AFF2: variants seen among roughly 807,000 people sequenced by gnomAD.
AFF2 encodes AF4/FMR2 family member 2.
Under a neutral mutation model 76.9 loss-of-function variants are expected in AFF2, and 14 were observed. The ratio of observed to expected loss-of-function variants is 0.18; its 90% CI spans 0.12 to 0.28. AFF2 has a LOEUF of 0.28. AFF2 is among the 10% of genes least tolerant of loss of function. AFF2 has a pLI of 1.00. For synonymous variants in AFF2, 398 were observed against 366.7 expected (o/e 1.09, Z -0.98); for missense variants, 868 against 1,001.1 (o/e 0.87, Z 1.79).
At position 148,718,805 on chromosome X, in the gene AFF2, A is replaced by G. The variant is rs1322243676; in HGVS notation, c.1041+56037A>G. ...TATCCCTGGCACTGAGCAGTGTTCT[A>G]TACACACAGTAGGAGCATAGTTAGT... On this transcript the variant is annotated intron_variant, in intron 3 of 20. Transcript: ENST00000370460. 2.7e-5 allele frequency among the ~76,000 whole-genome samples: 3 copies of G among 111,316 alleles called. No homozygotes were observed. In the South Asian group the frequency reaches 1.1e-3, roughly 42 times the overall value.
intron 5 of AFF2, among the ~76,000 whole-genome samples, chrX:148,841,973 T>C (rs2070606109): frequency 8.9e-6 from 1 of 112,240 alleles, no homozygotes; most frequent in African/African-American, 3.2e-5. Context: ...AAATTTCACT[T>C]TTGATTAAAG....
At chrX:148,747,950 A>C (rs1402043648) in intron 3 of AFF2, among the ~76,000 whole-genome samples, 2 of 112,054 alleles carry the variant, frequency 1.8e-5, no homozygotes, top group African/African-American at 6.5e-5. Flanking sequence ...AGTGCAACAA[A>C]AAAAAATCTG....
chrX:148,542,036 G>A (rs1461152686), intron 1 of AFF2, among the ~76,000 whole-genome samples: 3 of 109,017 alleles, frequency 2.8e-5, no homozygotes, highest in Non-Finnish European at 5.7e-5. Context: ...CTGGAAAAAA[G>A]AAAGCCTCTG....
chrX:148,661,899 T>A lies in AFF2; in HGVS notation c.181-9T>A. 1 of 1,179,343 alleles carries A rather than the reference T, an allele frequency of 8.5e-7. No homozygotes were observed. Among genetic ancestry groups the A allele is most frequent in the African/African-American group, 1.8e-5 (1 of 56,213 alleles). On this transcript the variant is annotated splice_polypyrimidine_tract_variant and intron_variant, in intron 2 of 20. Coordinates refer to ENST00000370460, the MANE Select transcript of AFF2 (RefSeq NM_002025.4). ...CTCTCCTCCCACCCCCATCTTTTTG[T>A]TATTTTAGACAAACAAAGGTGATGC...
At chrX:148,730,146 T>C (rs1557264563) in intron 3 of AFF2, among the ~76,000 whole-genome samples, 1 of 112,433 alleles carries the variant, frequency 8.9e-6, no homozygotes, top group Non-Finnish European at 1.9e-5. Context: ...CAATAATCCC[T>C]GATGGCCTCT....
chrX:148,966,200 C>T (rs782495323), intron 13 of AFF2, among the ~76,000 whole-genome samples: 44 of 111,843 alleles, frequency 3.9e-4, no homozygotes, highest in Admixed American at 3.8e-4. Flanking sequence ...ACCAATCAAG[C>T]GCCTCACATG....
chrX:148,745,429 T>A (rs1433813698), intron 3 of AFF2, among the ~76,000 whole-genome samples: 1 of 112,032 alleles, frequency 8.9e-6, no homozygotes, highest in Non-Finnish European at 1.9e-5. Context: ...GGAATTATAT[T>A]TTTAGAAGCC....
At chrX:148,527,550 A>G (rs1364158215) in intron 1 of AFF2, among the ~76,000 whole-genome samples, 1 of 111,533 alleles carries the variant, frequency 9.0e-6, no homozygotes, top group East Asian at 2.8e-4. Flanking sequence ...TGATAATCAT[A>G]TTGTGGTTAT....
intron 8 of AFF2, among the ~76,000 whole-genome samples, chrX:148,887,580 G>C (rs1367402325): frequency 2.7e-5 from 3 of 111,729 alleles, no homozygotes; most frequent in African/African-American, 3.3e-5. Context: ...ATTGGCAAAG[G>C]GTCTGTTAGC....
At chrX:148,750,079 T>C (rs2055478512) in intron 3 of AFF2, among the ~76,000 whole-genome samples, 1 of 110,238 alleles carries the variant, frequency 9.1e-6, no homozygotes, top group Non-Finnish European at 1.9e-5. Context: ...GTGATTCTCC[T>C]GCCTCAGCCT....
At chrX:148,771,151 C>T (rs899045876) in intron 3 of AFF2, among the ~76,000 whole-genome samples, 4 of 111,658 alleles carry the variant, frequency 3.6e-5, no homozygotes, top group Admixed American at 1.9e-4. Flanking sequence ...CAAGGAAGCC[C>T]GCATATGGAT....
intron 3 of AFF2, among the ~76,000 whole-genome samples, chrX:148,725,167 C>A (rs1280585820): frequency 9.0e-6 from 1 of 110,986 alleles, no homozygotes; most frequent in Non-Finnish European, 1.9e-5. Flanking sequence ...CCTTGGAGAA[C>A]CCTTCGGAGG....
At chrX:148,525,438 G>A (rs183849467) in intron 1 of AFF2, among the ~76,000 whole-genome samples, 184 of 111,670 alleles carry the variant, frequency 1.6e-3, no homozygotes, top group African/African-American at 5.6e-3. Context: ...GATAATCTCA[G>A]CCCAGTGAAT....
chrX:148,997,854 C>G lies in AFF2; in HGVS notation c.*6522C>G, dbSNP rs1337858390. ...TCCTCACTAATCAATCATATTCACCCATAAATATTACAAATGAGATTGATT... is the reference window on the plus strand; with the variant it reads ...TCCTCACTAATCAATCATATTCACCGATAAATATTACAAATGAGATTGATT... On this transcript the variant is annotated 3_prime_UTR_variant, in exon 21 of 21. Coordinates refer to ENST00000370460, the MANE Select transcript of AFF2 (RefSeq NM_002025.4). The G allele has an allele frequency of 8.9e-6, 1 of 112,272 alleles. No homozygotes were observed. Among genetic ancestry groups the G allele is most frequent in the Non-Finnish European group, 1.9e-5 (1 of 53,300 alleles). The allele number at this position is 112,272 out of a possible 1,213,427, so 9.3% of individuals were successfully genotyped here.
At chrX:148,651,887 G>A in intron 1 of AFF2, 112 bp from the exon 2 acceptor site, 1 of 660,176 alleles carries the variant, frequency 1.5e-6, no homozygotes, top group Non-Finnish European at 2.3e-6. Context: ...GTGTCAACTT[G>A]GGCAGCAAGT....
chrX:148,752,994 G>A (rs781787874), intron 3 of AFF2, among the ~76,000 whole-genome samples: 9 of 111,069 alleles, frequency 8.1e-5, no homozygotes, highest in Non-Finnish European at 1.5e-4. Context: ...TCCCTTCCCA[G>A]GACACATCAT....
At chrX:148,987,588 A>C in intron 20 of AFF2, 31 bp downstream of exon 20, 30 of 1,143,759 alleles carry the variant, frequency 2.6e-5, no homozygotes, top group Non-Finnish European at 3.4e-5. Context: ...CATATAGCTC[A>C]CAGACCATGA....
At chrX:148,836,798 T>C (rs2070531608) in intron 4 of AFF2, among the ~76,000 whole-genome samples, 1 of 111,631 alleles carries the variant, frequency 9.0e-6, no homozygotes, top group Non-Finnish European at 1.9e-5. Context: ...ACTGAGTATT[T>C]GAAAGAGCTG....
At chrX:148,904,351 A>G (rs199702522) in intron 9 of AFF2, 93 bp downstream of exon 9, 2 of 562,030 alleles carry the variant, frequency 3.6e-6, no homozygotes, top group East Asian at 7.1e-5. Flanking sequence ...TTGGATTTTG[A>G]GTTAATCTCT....
Sources: allele counts gnomAD v4.1 joint callset (sites outside exome capture counted in the v4.1 genomes callset), GRCh38; gene constraint gnomAD v4.1.1; transcripts MANE v1.5; gene names NCBI Gene and HGNC (gene_info 2026-07-23, HGNC 2026-07-21).